The following DPYD variants were observed in gnomAD, a reference collection of about 807,000 sequenced individuals.
DPYD encodes dihydropyrimidine dehydrogenase [NADP(+)].
Under a neutral mutation model 116.2 loss-of-function variants are expected in DPYD, and 109 were observed. That is an observed-to-expected ratio of 0.94 (90% CI 0.80 to 1.10). The LOEUF is 1.10. DPYD is among the 50% of genes least tolerant of loss of function. The probability of loss-of-function intolerance (pLI) is 0.00; values close to 1 mark genes in which losing one functional copy is unlikely to be tolerated. For synonymous variants in DPYD, 440 were observed against 432.0 expected (o/e 1.02, Z -0.23); for missense variants, 1,302 against 1,254.5 (o/e 1.04, Z -0.57).
chr1:97,877,848 C>T (rs976005494), intron 2 of DPYD, among the ~76,000 whole-genome samples: 2 of 151,914 alleles, frequency 1.3e-5, no homozygotes, highest in Non-Finnish European at 2.9e-5. Context: ...CAGTAGCTGG[C>T]TATCCATGAA....
At chr1:97,663,590 AT>A (rs1659388098) in intron 8 of DPYD, among the ~76,000 whole-genome samples, 1 of 152,108 alleles carries the variant, frequency 6.6e-6, no homozygotes, top group Non-Finnish European at 1.5e-5. Context: ...TCTCCAAACC[AT>A]TTTCACAGTG....
chr1:97,851,344 T>C (rs189167588), intron 2 of DPYD, among the ~76,000 whole-genome samples: 149 of 151,778 alleles, frequency 9.8e-4, no homozygotes, highest in African/African-American at 3.6e-3. Context: ...TGAGGTCAGA[T>C]TAGGATTCTC....
chr1:97,450,341 G>A (rs1676344079), intron 13 of DPYD, 118 bp from the exon 14 acceptor site: 2 of 1,072,542 alleles, frequency 1.9e-6, no homozygotes, highest in Non-Finnish European at 1.3e-6. Context: ...TTTTTGCAGA[G>A]GAATTTTTAA....
At chr1:97,696,162 G>A (rs1052537805) in intron 6 of DPYD, among the ~76,000 whole-genome samples, 8 of 142,082 alleles carry the variant, frequency 5.6e-5, no homozygotes, top group African/African-American at 1.3e-4. Flanking sequence ...AAGAAAAAAA[G>A]AAAAAAAAAA....
At chr1:97,256,984 C>A (rs1663524660) in intron 18 of DPYD, among the ~76,000 whole-genome samples, 1 of 152,006 alleles carries the variant, frequency 6.6e-6, no homozygotes, top group South Asian at 2.1e-4. Flanking sequence ...CAATGATTAC[C>A]AACAAGTTCC....
intron 8 of DPYD, among the ~76,000 whole-genome samples, chr1:97,628,675 C>T (rs1657078277): frequency 6.6e-6 from 1 of 151,852 alleles, no homozygotes; most frequent in African/African-American, 2.4e-5. Flanking sequence ...CCAAGTCCAA[C>T]TTAGACTTAC....
intron 20 of DPYD, among the ~76,000 whole-genome samples, chr1:97,125,030 TA>T (rs1652728471): frequency 6.6e-6 from 1 of 152,148 alleles, no homozygotes; most frequent in Non-Finnish European, 1.5e-5. Flanking sequence ...ACTCTTTTTT[TA>T]GAATGTTAAT....
At position 97,238,651 on chromosome 1, in the gene DPYD, A is replaced by G. The variant is rs1037998063; in HGVS notation, c.2300-3657T>C. Among the ~76,000 whole-genome samples, 7 of 152,312 alleles carry G rather than the reference A, an allele frequency of 4.6e-5. No individual in the cohort carries two copies. The Middle Eastern group carries it at 0.02, about 444-fold the overall frequency. ...TTCCTGAATTACAATTATCGAGATA[A>G]AGGTCTTTTAAAATTTTGTCACTGC... On this transcript the variant is annotated intron_variant, in intron 18 of 22. Coordinates refer to ENST00000370192, the MANE Select transcript of DPYD (RefSeq NM_000110.4).
chr1:97,089,093 T>C (rs1406920399), intron 21 of DPYD, among the ~76,000 whole-genome samples: 1 of 152,228 alleles, frequency 6.6e-6, no homozygotes. Context: ...CCGCCAACAC[T>C]GTCTTGCCAG....
At chr1:97,650,915 A>G (rs1457568109) in intron 8 of DPYD, among the ~76,000 whole-genome samples, 2 of 152,060 alleles carry the variant, frequency 1.3e-5, no homozygotes, top group African/African-American at 4.8e-5. Context: ...TCCCTTCATT[A>G]TATTCTATTA....
intron 12 of DPYD, among the ~76,000 whole-genome samples, chr1:97,517,755 A>G (rs1648335325): frequency 6.6e-6 from 1 of 152,138 alleles, no homozygotes; most frequent in African/African-American, 2.4e-5. Flanking sequence ...GTAAAAGTAT[A>G]GAAGCAACTT....
At chr1:97,267,745 A>T (rs1023079652) in intron 18 of DPYD, among the ~76,000 whole-genome samples, 3 of 152,078 alleles carry the variant, frequency 2.0e-5, no homozygotes, top group African/African-American at 7.2e-5. Context: ...TGCATTGGGG[A>T]TTAAGCTTCC....
At chr1:97,564,344 TG>T (rs1357116228) in intron 11 of DPYD, among the ~76,000 whole-genome samples, 4 of 152,184 alleles carry the variant, frequency 2.6e-5, no homozygotes, top group Non-Finnish European at 5.9e-5. Flanking sequence ...TTATGGAATA[TG>T]ACAGGCTTCT....
At chr1:97,171,453 A>C (rs976002241) in intron 20 of DPYD, among the ~76,000 whole-genome samples, 1 of 152,196 alleles carries the variant, frequency 6.6e-6, no homozygotes, top group African/African-American at 2.4e-5. Flanking sequence ...CATTAAAAAC[A>C]ATGATTCTCT....
chr1:97,722,427 T>C (rs545125591), intron 4 of DPYD, among the ~76,000 whole-genome samples: 1 of 151,712 alleles, frequency 6.6e-6, no homozygotes, highest in South Asian at 2.1e-4. Flanking sequence ...TCAATATTAT[T>C]TCATTAACTG....
intron 14 of DPYD, among the ~76,000 whole-genome samples, chr1:97,443,136 A>G (rs1430629000): frequency 6.6e-6 from 1 of 152,188 alleles, no homozygotes; most frequent in Non-Finnish European, 1.5e-5. Flanking sequence ...CTCCTAGACT[A>G]CAACTCTAGA....
intron 20 of DPYD, among the ~76,000 whole-genome samples, chr1:97,142,392 A>G (rs2101697641): frequency 6.6e-6 from 1 of 152,278 alleles, no homozygotes; most frequent in Middle Eastern, 3.4e-3. Context: ...AGTTTCCTTC[A>G]TATGGTTCTA....
intron 8 of DPYD, among the ~76,000 whole-genome samples, chr1:97,667,522 T>G (rs182968088): frequency 4.0e-4 from 61 of 152,224 alleles, no homozygotes; most frequent in African/African-American, 1.4e-3. Flanking sequence ...ACTACTTACA[T>G]CCATTAGGAT....
chr1:97,102,396 CATATATATAT>C (rs372249411), intron 20 of DPYD, among the ~76,000 whole-genome samples: 7 of 97,304 alleles, frequency 7.2e-5, no homozygotes, highest in East Asian at 3.5e-4. Flanking sequence ...CACTCAGTAT[CATATATATAT>C]ATATATATAT....
Sources: allele counts gnomAD v4.1 joint callset (sites outside exome capture counted in the v4.1 genomes callset), GRCh38; gene constraint gnomAD v4.1.1; transcripts MANE v1.5; gene names NCBI Gene and HGNC (gene_info 2026-07-23, HGNC 2026-07-21).